TMEM106B: variants seen among roughly 807,000 people sequenced by gnomAD.
The protein encoded by TMEM106B is transmembrane protein 106B.
Under a neutral mutation model 31.1 loss-of-function variants are expected in TMEM106B, and 15 were observed. The observed-to-expected ratio is 0.48, with a 90% confidence interval of 0.32 to 0.74. TMEM106B has a LOEUF of 0.74. Among genes scored for constraint, TMEM106B ranks in the 30% least tolerant of loss-of-function variants. The pLI is 0.03. For synonymous variants in TMEM106B, 126 were observed against 112.5 expected, an observed-to-expected ratio of 1.12 and a Z score of -0.76; for missense variants, 283 against 327.3, an observed-to-expected ratio of 0.86 and a Z score of 1.04.
Position 12,240,328 on chromosome 7 carries a change from A to G in TMEM106B, c.*8353A>G, listed in dbSNP as rs1782218046. On this transcript the variant is annotated 3_prime_UTR_variant, in exon 8 of 8. Transcript: ENST00000396668. The stretch of plus-strand genomic sequence containing the variant: ...CTCTACTTTCCCTCTAAACTTACTC[A>G]AACACTTGGTGAACTTTTTCTGAAT... The G allele has an allele frequency of 6.6e-6, 1 of 152,100 alleles. No individual in the cohort carries two copies. Among genetic ancestry groups the G allele is most frequent in the African/African-American group, 2.4e-5 (1 of 41,416 alleles). The allele number at this position is 152,100 out of a possible 1,614,324, so 9.4% of individuals were successfully genotyped here.
rs1401212802 is a variant in TMEM106B at position 12,240,406 on chromosome 7, C to A, written c.*8431C>A. On this transcript the variant is annotated 3_prime_UTR_variant, in exon 8 of 8. Coordinates refer to ENST00000396668, the MANE Select transcript of TMEM106B (RefSeq NM_001134232.2). Reference sequence around the variant, plus strand: ...GAGTTGCCCAGTCACAAAGTTTGAGCCAAGTTTTTTTGTTTTAAACTTGTT... The same window carrying A: ...GAGTTGCCCAGTCACAAAGTTTGAGACAAGTTTTTTTGTTTTAAACTTGTT... The A allele has an allele frequency of 6.6e-6, 1 of 152,108 alleles. No homozygotes were observed. Among genetic ancestry groups the A allele is most frequent in the African/African-American group, 2.4e-5 (1 of 41,428 alleles). The allele number at this position is 152,108 out of a possible 1,614,324, so 9.4% of individuals were successfully genotyped here.
rs1420793387 is a variant in TMEM106B, at chr7:12,239,074, T to C, written c.*7099T>C. On this transcript the variant is annotated 3_prime_UTR_variant, in exon 8 of 8. Coordinates refer to ENST00000396668, the MANE Select transcript of TMEM106B (RefSeq NM_001134232.2). ...GGTTGTTTTATCTACATTGAAAATATATTGTTCATTGTAACCACTTTCATC... is the reference window on the plus strand; with the variant it reads ...GGTTGTTTTATCTACATTGAAAATACATTGTTCATTGTAACCACTTTCATC... 2.6e-5 allele frequency: 4 copies of C among 152,218 alleles called. No individual in the cohort carries two copies. The highest frequency in any genetic ancestry group is 2.1e-4 in the South Asian group (1 of 4,836). The allele number at this position is 152,218 out of a possible 1,614,324, so 9.4% of individuals were successfully genotyped here. A position where few individuals can be genotyped will look rare whatever the true frequency, so the allele number is the denominator to read the frequency against.
At chr7:12,231,548 C>A (rs1178868417) in intron 7 of TMEM106B, 1 of 280,072 alleles carries the variant, frequency 3.6e-6, no homozygotes, top group African/African-American at 2.2e-5. Flanking sequence ...GATAAGAGAA[C>A]CATGGTCACT....
chr7:12,229,764 T>C lies in TMEM106B; in HGVS notation c.527T>C (p.Ile176Thr). 1 of 1,613,356 alleles carries C rather than the reference T, an allele frequency of 6.2e-7. No individual in the cohort carries two copies. Among genetic ancestry groups the C allele is most frequent in the African/African-American group, 1.3e-5 (1 of 75,026 alleles). The change falls in exon 5 of 8, where the codon ATT (isoleucine) becomes ACT (threonine). Residue 176 changes from isoleucine (I) to threonine (T), a missense_variant. Physicochemically the swap from Ile to Thr is moderately conservative, Grantham distance 89. Coordinates refer to ENST00000396668, the MANE Select transcript of TMEM106B (RefSeq NM_001134232.2). The stretch of plus-strand genomic sequence containing the variant: ...CAAGTTCAATTTTCAAAAACAGTTA[T>C]TGGAAAGGCACGCTTAAACAACATA... ...TAQVQFSKTV[I>T]GKARLNNITI...
chr7:12,231,991 G>A lies in TMEM106B; in HGVS notation c.*16G>A, dbSNP rs576041412. 1 of 1,605,446 alleles carries A rather than the reference G, an allele frequency of 6.2e-7. No individual in the cohort carries two copies. Among genetic ancestry groups the A allele is most frequent in the South Asian group, 1.1e-5 (1 of 90,436 alleles). ...ACAACAGTAAAAACTGGAAGAGATGGATTTAAAGAAGAAATATCTATTGAT... is the reference window on the plus strand; with the variant it reads ...ACAACAGTAAAAACTGGAAGAGATGAATTTAAAGAAGAAATATCTATTGAT... On this transcript the variant is annotated 3_prime_UTR_variant, in exon 8 of 8. Transcript: ENST00000396668.
chr7:12,232,263 T>A lies in TMEM106B; in HGVS notation c.*288T>A, dbSNP rs563730896. 1 of 195,808 alleles carries A rather than the reference T, an allele frequency of 5.1e-6. No individual in the cohort carries two copies. Among genetic ancestry groups the A allele is most frequent in the African/African-American group, 2.3e-5 (1 of 43,360 alleles). The allele number at this position is 195,808 out of a possible 1,614,324, so 12.1% of individuals were successfully genotyped here. On this transcript the variant is annotated 3_prime_UTR_variant, in exon 8 of 8. Transcript: ENST00000396668. ...GATACTTCCCCTATAGTACAATAAA[T>A]AATTATTTAAAAGTCATAGCTCCAG...
intron 4 of TMEM106B, among the ~76,000 whole-genome samples, chr7:12,225,959 A>G (rs1365564957): frequency 2.0e-5 from 3 of 152,066 alleles, no homozygotes; most frequent in Non-Finnish European, 4.4e-5. Flanking sequence ...GGTATTGCCT[A>G]GGTTTTCTTC....
intron 1 of TMEM106B, 102 bp downstream of exon 1, chr7:12,211,527 G>A (rs191702314): frequency 2.7e-4 from 41 of 152,870 alleles, no homozygotes; most frequent in African/African-American, 8.4e-4. Context: ...GGAGGCCGCT[G>A]GGGTGCTGGG....
chr7:12,219,558 C>T (rs577334138), intron 3 of TMEM106B, among the ~76,000 whole-genome samples: 1 of 152,180 alleles, frequency 6.6e-6, no homozygotes, highest in Admixed American at 6.5e-5. Context: ...AGCAGATGAA[C>T]ACTTTAACTT....
At chr7:12,222,051 T>C (rs960851659) in intron 3 of TMEM106B, among the ~76,000 whole-genome samples, 1 of 152,206 alleles carries the variant, frequency 6.6e-6, no homozygotes, top group African/African-American at 2.4e-5. Flanking sequence ...TATTAGAAAA[T>C]TATATTTATC....
intron 1 of TMEM106B, among the ~76,000 whole-genome samples, chr7:12,214,558 TG>T (rs1781648335): frequency 6.6e-6 from 1 of 152,210 alleles, no homozygotes; most frequent in African/African-American, 2.4e-5. Flanking sequence ...TGCCTCTGCC[TG>T]TAATTTCTGT....
intron 3 of TMEM106B, among the ~76,000 whole-genome samples, chr7:12,220,652 A>G (rs959233809): frequency 2.0e-5 from 3 of 152,234 alleles, no homozygotes; most frequent in Non-Finnish European, 4.4e-5. Context: ...GAAAACAAGT[A>G]TATTCATTCC....
At chr7:12,224,423 T>C (rs1166834073) in intron 4 of TMEM106B, 38 bp downstream of exon 4, 2 of 1,546,256 alleles carry the variant, frequency 1.3e-6, no homozygotes, top group Non-Finnish European at 1.8e-6. Context: ...TTAACTTCAT[T>C]CTTTTATCCT....
intron 2 of TMEM106B, chr7:12,215,621 T>C (rs1583450379): frequency 2.6e-6 from 1 of 381,772 alleles, no homozygotes; most frequent in South Asian, 2.1e-5. Context: ...TTTCCCCATG[T>C]TTCCCAGGAT....
intron 2 of TMEM106B, among the ~76,000 whole-genome samples, chr7:12,215,399 C>T (rs1323215355): frequency 6.8e-6 from 1 of 148,128 alleles, no homozygotes; most frequent in Non-Finnish European, 1.5e-5. Context: ...ATTTGTTGAC[C>T]TATTTTTTTT....
At position 12,234,897 on chromosome 7, in the gene TMEM106B, GA is replaced by G; in HGVS notation, c.*2924del. ...CTTTTAGAAGAGGAAGGAAAGGCAT[GA>G]AGAAGTTGAGGGACTGGCTGAAGAT... On this transcript the variant is annotated 3_prime_UTR_variant, in exon 8 of 8. Transcript: ENST00000396668. 6.6e-6 allele frequency: 1 copy of G among 151,960 alleles called. No individual in the cohort carries two copies. Among genetic ancestry groups the G allele is most frequent in the Middle Eastern group, 3.4e-3 (1 of 294 alleles). 9.4% of individuals were successfully genotyped at this position (151,960 alleles called of 1,614,324 possible).
intron 1 of TMEM106B, among the ~76,000 whole-genome samples, chr7:12,211,706 A>G (rs946644759): frequency 6.6e-6 from 1 of 152,212 alleles, no homozygotes; most frequent in Non-Finnish European, 1.5e-5. Context: ...CTGTTGATGA[A>G]TGTTCTTGCC....
rs1782000909 is a variant in TMEM106B at position 12,230,583 on chromosome 7, C to A, written c.632+145C>A. 2.6e-5 allele frequency: 14 copies of A among 541,550 alleles called. No individual in the cohort carries two copies. The South Asian group carries it at 3.5e-4, about 14-fold the overall frequency. The allele number at this position is 541,550 out of a possible 1,614,324, so 33.5% of individuals were successfully genotyped here. A position where few individuals can be genotyped will look rare whatever the true frequency, so the allele number is the denominator to read the frequency against. On this transcript the variant is annotated intron_variant, in intron 6 of 7. Coordinates refer to ENST00000396668, the MANE Select transcript of TMEM106B (RefSeq NM_001134232.2). ...ATTCTGGCTTCTGGTCCTCTCTGTT[C>A]CTCTTTTTCAACATATATAATATTC...
chr7:12,230,510 C>G, intron 6 of TMEM106B, 72 bp downstream of exon 6: 1 of 1,068,176 alleles, frequency 9.4e-7, no homozygotes, highest in Admixed American at 2.4e-5. Flanking sequence ...AAAGAGTATA[C>G]ATATTTTTTA....
Sources: gnomAD v4.1 joint callset for allele counts (sites outside exome capture counted in the v4.1 genomes callset) on GRCh38, gnomAD v4.1.1 for gene constraint, MANE v1.5 for transcripts, NCBI Gene and HGNC (gene_info 2026-07-23, HGNC 2026-07-21) for gene names.